Variants in SHANK2 observed in about 807,000 individuals in gnomAD.
The protein encoded by SHANK2 is SH3 and multiple ankyrin repeat domains protein 2.
SHANK2 carries 43 observed loss-of-function variants against 133.7 expected under a neutral mutation model. The ratio of observed to expected loss-of-function variants is 0.32; its 90% CI spans 0.25 to 0.41. The LOEUF is 0.41. Among genes scored for constraint, SHANK2 ranks in the 10% least tolerant of loss-of-function variants. SHANK2 has a pLI of 1.00. For missense variants in SHANK2, 1,994 were observed against 2,235.8 expected (o/e 0.89, Z 2.18); for synonymous variants, 1,017 against 952.8 (o/e 1.07, Z -1.24).
intron 17 of SHANK2, among the ~76,000 whole-genome samples, chr11:70,507,599 AG>A (rs1156267255): frequency 2.6e-5 from 4 of 152,150 alleles, no homozygotes; most frequent in African/African-American, 9.7e-5. Flanking sequence ...GGGCAGAGGC[AG>A]GTGGCCATCC....
chr11:70,686,783 G>A (rs1400368424), intron 15 of SHANK2, among the ~76,000 whole-genome samples: 1 of 152,208 alleles, frequency 6.6e-6, no homozygotes, highest in Non-Finnish European at 1.5e-5. Flanking sequence ...CTGGAGGAAG[G>A]CCCAGAGCAC....
chr11:71,156,513 A>G (rs1952909172), intron 2 of SHANK2, among the ~76,000 whole-genome samples: 1 of 152,278 alleles, frequency 6.6e-6, no homozygotes, highest in East Asian at 1.9e-4. Context: ...GGTCAGAACC[A>G]ACTGCCTATG....
intron 6 of SHANK2, among the ~76,000 whole-genome samples, chr11:71,100,569 A>G (rs1401797780): frequency 6.6e-6 from 1 of 152,136 alleles, no homozygotes; most frequent in Non-Finnish European, 1.5e-5. Context: ...AAAAGGCAAA[A>G]CTATAGAGCC....
At chr11:70,787,222 CACT>C (rs1947682084) in intron 14 of SHANK2, among the ~76,000 whole-genome samples, 1 of 149,010 alleles carries the variant, frequency 6.7e-6, no homozygotes, top group Non-Finnish European at 1.5e-5. Flanking sequence ...TGACCACCAC[CACT>C]AGGATCACCA....
chr11:70,627,113 T>A (rs1480039052), intron 17 of SHANK2, among the ~76,000 whole-genome samples: 1 of 152,216 alleles, frequency 6.6e-6, no homozygotes, highest in Non-Finnish European at 1.5e-5. Context: ...CAGCTCGCTC[T>A]AGCACTAAAG....
In SHANK2 at chr11:70,485,252, T is replaced by C; in HGVS notation, c.4979+62A>G. The C allele has an allele frequency of 6.8e-7, 1 of 1,471,754 alleles. No homozygotes were observed. Among genetic ancestry groups the C allele is most frequent in the Non-Finnish European group, 9.5e-7 (1 of 1,056,174 alleles). 91.2% of individuals were successfully genotyped at this position (1,471,754 alleles called of 1,614,324 possible). A position where few individuals can be genotyped will look rare whatever the true frequency, so the allele number is the denominator to read the frequency against. On this transcript the variant is annotated intron_variant, in intron 25 of 25. Coordinates refer to ENST00000601538, the MANE Select transcript of SHANK2 (RefSeq NM_012309.5). This position sits in a 1 kb window ranked among gnomAD's most constrained non-coding sequence, Gnocchi z 5.8. ...CGCTGGGGCTGCTACCCGAGGGCCTTTCCTGGTCAGCAGGGACAGTGCACG... is the reference window on the plus strand; with the variant it reads ...CGCTGGGGCTGCTACCCGAGGGCCTCTCCTGGTCAGCAGGGACAGTGCACG...
intron 10 of SHANK2, among the ~76,000 whole-genome samples, chr11:70,947,296 G>T (rs1008303504): frequency 6.6e-6 from 1 of 151,950 alleles, no homozygotes; most frequent in Non-Finnish European, 1.5e-5. Flanking sequence ...TGTGCAGTAG[G>T]GTCTGGCTGC....
At chr11:70,744,466 G>A (rs889788281) in intron 14 of SHANK2, among the ~76,000 whole-genome samples, 1 of 152,194 alleles carries the variant, frequency 6.6e-6, no homozygotes, top group Non-Finnish European at 1.5e-5. Context: ...CCCCTGGGGG[G>A]TTCCTGCTAG....
chr11:70,644,720 G>T (rs1301023615), intron 17 of SHANK2, among the ~76,000 whole-genome samples: 2 of 152,206 alleles, frequency 1.3e-5, no homozygotes, highest in Non-Finnish European at 2.9e-5. Flanking sequence ...CTCCAGACCT[G>T]CTTGCTAAAC....
intron 17 of SHANK2, among the ~76,000 whole-genome samples, chr11:70,552,847 G>T (rs952092128): frequency 6.6e-6 from 1 of 152,090 alleles, no homozygotes; most frequent in Non-Finnish European, 1.5e-5. Flanking sequence ...GCCTCTAGTC[G>T]TCAGCTTGGG....
At chr11:70,816,631 G>A (rs1948403871) in intron 12 of SHANK2, among the ~76,000 whole-genome samples, 1 of 152,212 alleles carries the variant, frequency 6.6e-6, no homozygotes, top group Non-Finnish European at 1.5e-5. Flanking sequence ...AAGGCATGGG[G>A]CTGAGCTTTG....
intron 15 of SHANK2, among the ~76,000 whole-genome samples, chr11:70,690,670 C>CATAAATATAAATATAAAT (rs60007949): frequency 0.015 from 1,921 of 130,134 alleles, 25 homozygotes; most frequent in Admixed American, 0.024. Flanking sequence ...ACTTAGAACC[C>CATAAATATAAATATAAAT]ATAAATATAA....
intron 2 of SHANK2, among the ~76,000 whole-genome samples, chr11:71,212,088 GAA>G (rs1328387945): frequency 6.6e-6 from 1 of 152,200 alleles, no homozygotes; most frequent in Non-Finnish European, 1.5e-5. Flanking sequence ...AGAGCACCAA[GAA>G]AAGTCTGCTT....
intron 10 of SHANK2, among the ~76,000 whole-genome samples, chr11:70,932,206 C>G (rs1199973031): frequency 6.6e-6 from 1 of 152,244 alleles, no homozygotes; most frequent in Non-Finnish European, 1.5e-5. Context: ...TTGGGGAAAT[C>G]TGAACAGCCG....
chr11:71,215,747 C>T (rs1300696961), intron 2 of SHANK2, among the ~76,000 whole-genome samples: 1 of 152,184 alleles, frequency 6.6e-6, no homozygotes, highest in African/African-American at 2.4e-5. Context: ...CAAACCTCTG[C>T]AAACACGATT....
At chr11:70,785,557 G>A (rs972859790) in intron 14 of SHANK2, among the ~76,000 whole-genome samples, 8 of 152,240 alleles carry the variant, frequency 5.3e-5, no homozygotes, top group Non-Finnish European at 8.8e-5. Flanking sequence ...AGGGAGAGGA[G>A]TCTGTTCCCA....
chr11:71,072,010 C>T (rs1457906179), intron 9 of SHANK2, among the ~76,000 whole-genome samples: 2 of 152,280 alleles, frequency 1.3e-5, no homozygotes, highest in South Asian at 2.1e-4. Flanking sequence ...AGTGTAGCAT[C>T]CACATCTCGA....
Position 70,500,885 on chromosome 11 carries a change from C to G in SHANK2, c.2288-295G>C, listed in dbSNP as rs1429157347. The G allele has an allele frequency of 1.5e-6, 1 of 650,264 alleles. No homozygotes were observed. Among genetic ancestry groups the G allele is most frequent in the Non-Finnish European group, 2.8e-6 (1 of 353,728 alleles). 40.3% of individuals were successfully genotyped at this position (650,264 alleles called of 1,614,324 possible). A position where few individuals can be genotyped will look rare whatever the true frequency, so the allele number is the denominator to read the frequency against. ...CAGCACCCCTTGTCCCACCAGCACC[C>G]TGCCAAAGTAGGGAGGAGTTCTCAG... is the stretch of plus-strand genomic sequence containing the variant. On this transcript the variant is annotated intron_variant, in intron 20 of 25. Transcript: ENST00000601538. The surrounding 1 kb of genome is among the most constrained non-coding windows in gnomAD (Gnocchi z 4.5).
intron 4 of SHANK2, among the ~76,000 whole-genome samples, chr11:71,114,422 G>A (rs1951943150): frequency 6.6e-6 from 1 of 152,170 alleles, no homozygotes; most frequent in Non-Finnish European, 1.5e-5. Context: ...GCATCTCACA[G>A]AAAAGCTTCC....
Sources: gnomAD v4.1 joint callset for allele counts (sites outside exome capture counted in the v4.1 genomes callset) on GRCh38, gnomAD v4.1.1 for gene constraint, Gnocchi (gnomAD v3.1) non-coding constraint, MANE v1.5 for transcripts, NCBI Gene and HGNC (gene_info 2026-07-23, HGNC 2026-07-21) for gene names.